Variants in SLC25A33 observed in about 807,000 individuals in gnomAD.
The protein encoded by SLC25A33 is bone marrow stromal cell mitochondrial carrier protein.
In SLC25A33, 15 loss-of-function variants were observed where a neutral mutation model predicts 35.5. The observed-to-expected ratio is 0.42, with a 90% CI of 0.28 to 0.65. The LOEUF is 0.65. SLC25A33 is among the 30% of genes least tolerant of loss of function. The pLI, the probability that SLC25A33 is intolerant of heterozygous loss-of-function variation, is 0.20. For missense variants in SLC25A33, 257 were observed against 398.5 expected, an observed-to-expected ratio of 0.64 and a Z score of 3.02; for synonymous variants, 136 against 148.7, an observed-to-expected ratio of 0.91 and a Z score of 0.62.
intron 3 of SLC25A33, among the ~76,000 whole-genome samples, chr1:9,570,027 C>T (rs1016682691): frequency 6.6e-6 from 1 of 152,174 alleles, no homozygotes; most frequent in Non-Finnish European, 1.5e-5. Context: ...TCACTTTCCT[C>T]AATTATTTTT....
At chr1:9,557,529 T>A (rs1643361240) in intron 2 of SLC25A33, among the ~76,000 whole-genome samples, 1 of 152,018 alleles carries the variant, frequency 6.6e-6, no homozygotes, top group African/African-American at 2.4e-5. Context: ...CGAAATCCCA[T>A]CTCTACAAAA....
rs911873640 is a variant in SLC25A33, at chr1:9,583,707, C to T, written c.*1206C>T. 1 of 151,662 alleles carries T rather than the reference C, an allele frequency of 6.6e-6. No individual in the cohort carries two copies. The highest frequency in any genetic ancestry group is 1.5e-5 in the Non-Finnish European group (1 of 67,978). The allele number at this position is 151,662 out of a possible 1,614,324, so 9.4% of individuals were successfully genotyped here. On this transcript the variant is annotated 3_prime_UTR_variant, in exon 7 of 7. Transcript: ENST00000302692. The stretch of plus-strand genomic sequence containing the variant: ...AAAGCACTGGGATTGTTTAAATATC[C>T]TAGTTCAACATTAAAAAAAAAAAAA...
At chr1:9,569,364 C>T (rs1643556210) in intron 3 of SLC25A33, among the ~76,000 whole-genome samples, 1 of 152,040 alleles carries the variant, frequency 6.6e-6, no homozygotes, top group African/African-American at 2.4e-5. Context: ...ACAGAAAGTA[C>T]TAGTCTGTGA....
intron 1 of SLC25A33, among the ~76,000 whole-genome samples, chr1:9,548,184 A>G (rs975121612): frequency 2.0e-5 from 3 of 152,158 alleles, no homozygotes; most frequent in Non-Finnish European, 4.4e-5. Context: ...ATGGCCTTCA[A>G]ACTTTAATCA....
chr1:9,550,167 A>G (rs1202505325), intron 1 of SLC25A33, among the ~76,000 whole-genome samples: 1 of 149,132 alleles, frequency 6.7e-6, no homozygotes, highest in Non-Finnish European at 1.5e-5. Context: ...TGCCTGACTA[A>G]TTTGTTTTTG....
At chr1:9,580,277 C>G in intron 6 of SLC25A33, 43 bp downstream of exon 6, 1 of 1,593,412 alleles carries the variant, frequency 6.3e-7, no homozygotes, top group Non-Finnish European at 8.5e-7. Context: ...AAACAGCTGT[C>G]ACGTTTGTTG....
At chr1:9,554,639 G>A (rs1432058273) in intron 2 of SLC25A33, among the ~76,000 whole-genome samples, 3 of 152,104 alleles carry the variant, frequency 2.0e-5, no homozygotes, top group South Asian at 2.1e-4. Flanking sequence ...GATTACAGGC[G>A]TGAGCCACCA....
chr1:9,557,486 C>T, intron 2 of SLC25A33, among the ~76,000 whole-genome samples: 1 of 152,078 alleles, frequency 6.6e-6, no homozygotes, highest in East Asian at 1.9e-4. Context: ...TTGAGCTGAG[C>T]CCAGGAGTTT....
At chr1:9,570,577 T>G (rs1472975903) in intron 4 of SLC25A33, among the ~76,000 whole-genome samples, 4 of 152,168 alleles carry the variant, frequency 2.6e-5, no homozygotes, top group Admixed American at 1.3e-4. Context: ...GCCCTCAAAA[T>G]GTACATGTTC....
At chr1:9,564,725 T>TAAAAA (rs1553146726) in intron 2 of SLC25A33, among the ~76,000 whole-genome samples, 36 of 94,480 alleles carry the variant, frequency 3.8e-4, no homozygotes, top group African/African-American at 1.4e-3. Flanking sequence ...CGTCTCTATT[T>TAAAAA]AAAAAAAAAA....
chr1:9,582,614 C>A lies in SLC25A33; in HGVS notation c.*113C>A. 1.0e-6 allele frequency: 1 copy of A among 1,000,576 alleles called. No individual in the cohort carries two copies. The highest frequency in any genetic ancestry group is 1.5e-6 in the Non-Finnish European group (1 of 687,404). 62.0% of individuals were successfully genotyped at this position (1,000,576 alleles called of 1,614,324 possible). A position where few individuals can be genotyped will look rare whatever the true frequency, so the allele number is the denominator to read the frequency against. On this transcript the variant is annotated 3_prime_UTR_variant, in exon 7 of 7. Transcript: ENST00000302692. This position sits in a 1 kb window ranked among gnomAD's most constrained non-coding sequence, Gnocchi z 4.0. ...TGAAACAGGAAAGGCCATAAAATAT[C>A]TGGTTCATATCACCTGTTGGACATT...
chr1:9,583,100 C>G lies in SLC25A33; in HGVS notation c.*599C>G, dbSNP rs1046797025. 1 of 152,256 alleles carries G rather than the reference C, an allele frequency of 6.6e-6. No homozygotes were observed. Among genetic ancestry groups the G allele is most frequent in the African/African-American group, 2.4e-5 (1 of 41,442 alleles). 9.4% of individuals were successfully genotyped at this position (152,256 alleles called of 1,614,324 possible). A position where few individuals can be genotyped will look rare whatever the true frequency, so the allele number is the denominator to read the frequency against. ...ATTAGCCGGACGTGTGCCTGTAATC[C>G]CAGCTACTTGGGAGGCTGAGGCAGG... On this transcript the variant is annotated 3_prime_UTR_variant, in exon 7 of 7. Coordinates refer to ENST00000302692, the MANE Select transcript of SLC25A33 (RefSeq NM_032315.3).
intron 1 of SLC25A33, among the ~76,000 whole-genome samples, chr1:9,540,076 G>T (rs1356589510): frequency 6.6e-6 from 1 of 152,156 alleles, no homozygotes; most frequent in African/African-American, 2.4e-5. Context: ...TGGACGCTGT[G>T]GCGCGGCCCC....
intron 2 of SLC25A33, among the ~76,000 whole-genome samples, chr1:9,557,660 GC>G (rs1643363313): frequency 6.6e-6 from 1 of 152,204 alleles, no homozygotes; most frequent in African/African-American, 2.4e-5. Flanking sequence ...GGATTCTTGG[GC>G]AAGAGTGTGT....
chr1:9,570,668 T>C (rs145343594), intron 4 of SLC25A33, among the ~76,000 whole-genome samples: 2,063 of 147,876 alleles, frequency 0.014, 70 homozygotes, highest in Admixed American at 0.076. Flanking sequence ...TCAAATGATA[T>C]AGATAGATAG....
intron 2 of SLC25A33, among the ~76,000 whole-genome samples, chr1:9,564,629 G>T (rs1239616085): frequency 6.6e-6 from 1 of 150,850 alleles, no homozygotes; most frequent in African/African-American, 2.4e-5. Context: ...GCTCATGCCT[G>T]TAATCCCAGC....
intron 1 of SLC25A33, among the ~76,000 whole-genome samples, chr1:9,549,541 C>G (rs1643232233): frequency 6.6e-6 from 1 of 151,564 alleles, no homozygotes; most frequent in South Asian, 2.1e-4. Context: ...AATGGGAGTT[C>G]CCAGTGTTGG....
At chr1:9,550,201 C>A (rs1177073223) in intron 1 of SLC25A33, among the ~76,000 whole-genome samples, 23 of 147,328 alleles carry the variant, frequency 1.6e-4, no homozygotes, top group African/African-American at 5.5e-4. Flanking sequence ...AGGACTCCAG[C>A]CTGGGTAACA....
chr1:9,570,169 T>G, intron 3 of SLC25A33, 89 bp from the exon 4 acceptor site: 2 of 1,213,958 alleles, frequency 1.6e-6, no homozygotes, highest in Non-Finnish European at 2.4e-6. Flanking sequence ...TTTCCCATTT[T>G]ATTTTCCGAA....
Sources: gnomAD v4.1 joint callset for allele counts (sites outside exome capture counted in the v4.1 genomes callset) on GRCh38, gnomAD v4.1.1 for gene constraint, Gnocchi (gnomAD v3.1) non-coding constraint, MANE v1.5 for transcripts, NCBI Gene and HGNC (gene_info 2026-07-23, HGNC 2026-07-21) for gene names.